Variants in SLC35F4 observed in about 807,000 individuals in gnomAD.
SLC35F4 encodes the protein solute carrier family 35 member F4.
Under a neutral mutation model 44.2 loss-of-function variants are expected in SLC35F4, and 24 were observed. The ratio of observed to expected loss-of-function variants is 0.54; its 90% CI spans 0.39 to 0.76. The LOEUF (loss-of-function observed/expected upper bound fraction) is 0.76, where lower values mean the gene tolerates loss of function less well. SLC35F4 is among the 30% of genes least tolerant of loss of function. The pLI, the probability that SLC35F4 is intolerant of heterozygous loss-of-function variation, is 0.00. For synonymous variants in SLC35F4, 238 were observed against 223.6 expected (o/e 1.06, Z -0.57); for missense variants, 562 against 586.1 (o/e 0.96, Z 0.42).
chr14:57,764,343 T>C (rs1199986445), intron 1 of SLC35F4, among the ~76,000 whole-genome samples: 2 of 152,222 alleles, frequency 1.3e-5, no homozygotes, highest in Admixed American at 6.5e-5. Flanking sequence ...TTGGTTTATC[T>C]ATCTGTAAGT....
chr14:57,816,109 A>T (rs1249320111), intron 1 of SLC35F4, among the ~76,000 whole-genome samples: 1 of 152,188 alleles, frequency 6.6e-6, no homozygotes, highest in African/African-American at 2.4e-5. Flanking sequence ...CTCTGAGTGG[A>T]GAGTTGCACT....
chr14:57,830,725 A>G (rs1016008858), intron 1 of SLC35F4, among the ~76,000 whole-genome samples: 1 of 152,170 alleles, frequency 6.6e-6, no homozygotes, highest in African/African-American at 2.4e-5. Flanking sequence ...TAAAATACCA[A>G]CTTTATCTAT....
In SLC35F4 at chr14:57,865,719, T is replaced by C; in HGVS notation, c.103+4A>G. 4 of 1,516,928 alleles carry C rather than the reference T, an allele frequency of 2.6e-6. No homozygotes were observed. Among genetic ancestry groups the C allele is most frequent in the Non-Finnish European group, 3.5e-6 (4 of 1,138,560 alleles). 94.0% of individuals were successfully genotyped at this position (1,516,928 alleles called of 1,614,324 possible). A position where few individuals can be genotyped will look rare whatever the true frequency, so the allele number is the denominator to read the frequency against. ...TCGCGCAGGGCAGCCGCGCGGCGTC[T>C]TACTTTTCTGGCTGGAGTAACCTGG... On this transcript the variant is annotated splice_donor_region_variant and intron_variant, in intron 1 of 7. Transcript: ENST00000556826.
chr14:57,934,379 C>T (rs78202284), intron 1 of SLC35F4, among the ~76,000 whole-genome samples: 9 of 149,146 alleles, frequency 6.0e-5, no homozygotes, highest in East Asian at 3.9e-4. Flanking sequence ...TAGATGTCTT[C>T]GAGAATACCT....
At chr14:57,798,937 C>T (rs1431494779) in intron 1 of SLC35F4, among the ~76,000 whole-genome samples, 1 of 152,116 alleles carries the variant, frequency 6.6e-6, no homozygotes, top group East Asian at 1.9e-4. Flanking sequence ...GCACCACTCA[C>T]GCTAAGAATG....
At chr14:57,689,703 C>A (rs1435214765) in intron 1 of SLC35F4, among the ~76,000 whole-genome samples, 1 of 138,130 alleles carries the variant, frequency 7.2e-6, no homozygotes, top group African/African-American at 2.8e-5. Flanking sequence ...CACTTGGACA[C>A]AGGAAGGGGA....
chr14:57,776,747 T>C (rs1205193787), intron 1 of SLC35F4, among the ~76,000 whole-genome samples: 1 of 149,028 alleles, frequency 6.7e-6, no homozygotes, highest in Non-Finnish European at 1.5e-5. Context: ...AGACTAACAG[T>C]GGATTTCTCA....
chr14:57,862,492 A>C (rs1887764739), intron 1 of SLC35F4, among the ~76,000 whole-genome samples: 1 of 151,990 alleles, frequency 6.6e-6, no homozygotes, highest in Non-Finnish European at 1.5e-5. Flanking sequence ...CTTTATCTGC[A>C]CTCCTGGATC....
At chr14:57,605,248 CAAAT>C (rs927400444) in intron 1 of SLC35F4, among the ~76,000 whole-genome samples, 5 of 151,892 alleles carry the variant, frequency 3.3e-5, no homozygotes, top group African/African-American at 1.2e-4. Flanking sequence ...ATAAGGAACT[CAAAT>C]CAACAAGAAA....
intron 1 of SLC35F4, among the ~76,000 whole-genome samples, chr14:57,853,709 A>G (rs751035716): frequency 7.9e-5 from 12 of 152,338 alleles, no homozygotes; most frequent in Admixed American, 6.5e-5. Context: ...GGACAAGGAA[A>G]TAGAGAAAGC....
intron 1 of SLC35F4, among the ~76,000 whole-genome samples, chr14:57,963,520 GA>G (rs1193523106): frequency 6.6e-6 from 1 of 151,968 alleles, no homozygotes; most frequent in Non-Finnish European, 1.5e-5. Context: ...CTAGAAAGCA[GA>G]AAAAAATGAG....
At chr14:57,746,673 A>G (rs1217875457) in intron 1 of SLC35F4, among the ~76,000 whole-genome samples, 1 of 152,154 alleles carries the variant, frequency 6.6e-6, no homozygotes, top group African/African-American at 2.4e-5. Flanking sequence ...GACAAATTGT[A>G]GTGATTCTTG....
intron 1 of SLC35F4, among the ~76,000 whole-genome samples, chr14:57,859,528 A>G (rs193148907): frequency 1.3e-5 from 2 of 152,362 alleles, no homozygotes; most frequent in Admixed American, 1.3e-4. Flanking sequence ...GTGCTAAAAT[A>G]GAACAATATA....
chr14:57,814,985 A>T (rs79996691), intron 1 of SLC35F4, among the ~76,000 whole-genome samples: 9,145 of 152,228 alleles, frequency 0.06, 515 homozygotes, highest in African/African-American at 0.13. Context: ...AAATCCAGCC[A>T]TTCTTCTGTA....
rs1482817809 is a variant in SLC35F4, at chr14:57,572,029, A to G, written c.808-10T>C. 2 of 1,605,554 alleles carry G rather than the reference A, an allele frequency of 1.2e-6. No individual in the cohort carries two copies. The highest frequency in any genetic ancestry group is 1.7e-6 in the Non-Finnish European group (2 of 1,175,440). ...TTATTGCAGCAACTATCTGTCAAAT[A>G]GGATGCAAAGAAACAGAAAAGCAAT... On this transcript the variant is annotated splice_polypyrimidine_tract_variant and intron_variant, in intron 4 of 7. Transcript: ENST00000556826.
chr14:57,567,252 T>C (rs1380849054), intron 6 of SLC35F4, among the ~76,000 whole-genome samples: 1 of 152,194 alleles, frequency 6.6e-6, no homozygotes, highest in Non-Finnish European at 1.5e-5. Flanking sequence ...TTAAAACTTA[T>C]CAAAAACACA....
At chr14:57,599,000 G>A (rs568267192) in intron 1 of SLC35F4, among the ~76,000 whole-genome samples, 62 of 152,302 alleles carry the variant, frequency 4.1e-4, no homozygotes, top group African/African-American at 1.3e-3. Context: ...ACCACTGGCT[G>A]TGTCAACTCA....
intron 1 of SLC35F4, among the ~76,000 whole-genome samples, chr14:57,710,773 T>C (rs1433160780): frequency 6.6e-6 from 1 of 152,096 alleles, no homozygotes; most frequent in Admixed American, 6.5e-5. Context: ...CCCCTTAGTT[T>C]TGGCCAACTT....
chr14:57,874,869 A>G (rs1387750574), intron 1 of SLC35F4, among the ~76,000 whole-genome samples: 2 of 152,096 alleles, frequency 1.3e-5, no homozygotes, highest in African/African-American at 2.4e-5. Context: ...GACGATGTCT[A>G]TTTTCCAAAG....
Sources: allele counts gnomAD v4.1 joint callset (sites outside exome capture counted in the v4.1 genomes callset), GRCh38; gene constraint gnomAD v4.1.1; transcripts MANE v1.5; gene names NCBI Gene and HGNC (gene_info 2026-07-23, HGNC 2026-07-21).